TBC1D30: variants seen among roughly 807,000 people sequenced by gnomAD.
The protein encoded by TBC1D30 is TBC1 domain family member 30.
In TBC1D30, 31 loss-of-function variants were observed where a neutral mutation model predicts 63.2. The observed-to-expected ratio is 0.49, with a 90% CI of 0.37 to 0.66. The LOEUF (loss-of-function observed/expected upper bound fraction) is 0.66, where lower values mean the gene tolerates loss of function less well. Ranked by LOEUF, TBC1D30 falls within the 30% of genes least tolerant of loss-of-function variation. The pLI, the probability that TBC1D30 is intolerant of heterozygous loss-of-function variation, is 0.00. For synonymous variants in TBC1D30, 307 were observed against 361.5 expected, an observed-to-expected ratio of 0.85 and a Z score of 1.71; for missense variants, 810 against 953.6, an observed-to-expected ratio of 0.85 and a Z score of 1.98.
intron 2 of TBC1D30, among the ~76,000 whole-genome samples, chr12:64,812,367 GTTA>G (rs1873266947): frequency 6.6e-6 from 1 of 152,122 alleles, no homozygotes; most frequent in African/African-American, 2.4e-5. Flanking sequence ...GGCAGTAGTT[GTTA>G]TTATTGTTAA....
chr12:64,837,241 C>A (rs111527414), intron 6 of TBC1D30, among the ~76,000 whole-genome samples: 4,599 of 152,122 alleles, frequency 0.03, 212 homozygotes, highest in African/African-American at 0.11. Flanking sequence ...GACCAGTTTC[C>A]GGGAAGACAG....
At chr12:64,812,589 A>G (rs1270570311) in intron 2 of TBC1D30, among the ~76,000 whole-genome samples, 2 of 152,234 alleles carry the variant, frequency 1.3e-5, no homozygotes, top group Non-Finnish European at 2.9e-5. Flanking sequence ...TGTATTCAAG[A>G]CCAGACCTTT....
chr12:64,785,907 C>T lies in TBC1D30; in HGVS notation c.505C>T (p.Arg169Ter), dbSNP rs905659854. 193 of 1,289,636 alleles carry T rather than the reference C, an allele frequency of 1.5e-4. No individual in the cohort carries two copies. The highest frequency in any genetic ancestry group is 1.7e-4 in the Non-Finnish European group (173 of 988,826). 79.9% of individuals were successfully genotyped at this position (1,289,636 alleles called of 1,614,324 possible). A position where few individuals can be genotyped will look rare whatever the true frequency, so the allele number is the denominator to read the frequency against. Residue 169 changes from arginine (R) to a stop codon, truncating the protein, a stop_gained, in exon 2 of 13, where the codon CGA (arginine) becomes TGA (stop). Transcript: ENST00000542120. LOFTEE classifies it high-confidence loss of function. ...CGCTAATGAACTGAAGACGATCCTT[C>T]GAGAGCTAAAGTACAGAATTGGCAT...
At chr12:64,814,314 T>C (rs1873396085) in intron 2 of TBC1D30, among the ~76,000 whole-genome samples, 1 of 152,070 alleles carries the variant, frequency 6.6e-6, no homozygotes, top group East Asian at 1.9e-4. Context: ...CCCAAAGTAC[T>C]GAGATTACAG....
intron 8 of TBC1D30, among the ~76,000 whole-genome samples, chr12:64,855,603 A>G (rs1341271807): frequency 6.6e-6 from 1 of 152,112 alleles, no homozygotes; most frequent in Admixed American, 6.5e-5. Context: ...CAATTCTGCT[A>G]TTAAGAGACT....
At position 64,880,433 on chromosome 12, in the gene TBC1D30, A is replaced by C. The variant is rs141111909; in HGVS notation, c.*4645A>C. 3 of 152,306 alleles carry C rather than the reference A, an allele frequency of 2.0e-5. No individual in the cohort carries two copies. The highest frequency in any genetic ancestry group is 4.4e-5 in the Non-Finnish European group (3 of 68,120). The allele number at this position is 152,306 out of a possible 1,614,324, so 9.4% of individuals were successfully genotyped here. A position where few individuals can be genotyped will look rare whatever the true frequency, so the allele number is the denominator to read the frequency against. ...AGAAGTCAAAGATCAACGTGTCTGC[A>C]AATTTGGTATCTGGTGAGGAAGGGC... is the stretch of plus-strand genomic sequence containing the variant. On this transcript the variant is annotated 3_prime_UTR_variant, in exon 12 of 12. Coordinates refer to ENST00000539867, the MANE Select transcript of TBC1D30 (RefSeq NM_015279.2).
intron 2 of TBC1D30, among the ~76,000 whole-genome samples, chr12:64,788,396 A>T (rs1320911002): frequency 6.6e-6 from 1 of 152,098 alleles, no homozygotes; most frequent in Non-Finnish European, 1.5e-5. Context: ...ACTCATTATT[A>T]TTGTTTGTAC....
chr12:64,867,004 G>T (rs1878277188), intron 10 of TBC1D30, 101 bp downstream of exon 10: 1 of 1,322,696 alleles, frequency 7.6e-7, no homozygotes, highest in East Asian at 2.5e-5. Flanking sequence ...TTCTGAACTG[G>T]TTACAACTAT....
intron 11 of TBC1D30, among the ~76,000 whole-genome samples, chr12:64,872,543 G>T (rs1878736605): frequency 1.3e-5 from 2 of 152,100 alleles, no homozygotes; most frequent in Non-Finnish European, 1.5e-5. Flanking sequence ...TTGAAATTTA[G>T]TGTGCATACA....
At chr12:64,769,670 G>A (rs919815469) in intron 1 of TBC1D30, among the ~76,000 whole-genome samples, 1 of 151,582 alleles carries the variant, frequency 6.6e-6, no homozygotes, top group Non-Finnish European at 1.5e-5. Flanking sequence ...ACAGGTGTGA[G>A]CCACCGCACC....
intron 1 of TBC1D30, among the ~76,000 whole-genome samples, chr12:64,783,290 C>T (rs779180477): frequency 1.8e-4 from 28 of 152,090 alleles, no homozygotes; most frequent in Non-Finnish European, 3.1e-4. Context: ...GGTTGATATC[C>T]GGCCGCAGTT....
chr12:64,843,117 C>T (rs1254344292), intron 7 of TBC1D30, among the ~76,000 whole-genome samples: 1 of 152,212 alleles, frequency 6.6e-6, no homozygotes, highest in East Asian at 1.9e-4. Flanking sequence ...AGGTGATCCT[C>T]CTGCTTTAGC....
chr12:64,840,023 A>AAAAAAAAAAAAAAAAAAAAAAAC (rs1875726371), intron 7 of TBC1D30, among the ~76,000 whole-genome samples: 1 of 150,858 alleles, frequency 6.6e-6, no homozygotes, highest in African/African-American at 2.5e-5. Context: ...AAAAAAAAAA[A>AAAAAAAAAAAAAAAAAAAAAAAC]AAAAATCCAC....
At chr12:64,837,753 CTG>C (rs1453860317) in intron 6 of TBC1D30, among the ~76,000 whole-genome samples, 1 of 152,158 alleles carries the variant, frequency 6.6e-6, no homozygotes, top group Non-Finnish European at 1.5e-5. Flanking sequence ...TGCAGTATAA[CTG>C]TGTAGATTTT....
intron 8 of TBC1D30, among the ~76,000 whole-genome samples, chr12:64,854,498 C>CT (rs71278243): frequency 0.14 from 19,065 of 138,708 alleles, 3,167 homozygotes; most frequent in African/African-American, 0.4. Flanking sequence ...CTTTTTCTTT[C>CT]TTTTTTTTTT....
chr12:64,875,810 C>T lies in TBC1D30; in HGVS notation c.*22C>T. Reference sequence around the variant, plus strand: ...ATGATGTCTCCCCGAAACTTTGTATCTGGACTCACCTTTTCACAGTAGTAT... The same window carrying T: ...ATGATGTCTCCCCGAAACTTTGTATTTGGACTCACCTTTTCACAGTAGTAT... On this transcript the variant is annotated 3_prime_UTR_variant, in exon 12 of 12. Transcript: ENST00000539867. The T allele has an allele frequency of 6.6e-7, 1 of 1,509,576 alleles. No homozygotes were observed. The highest frequency in any genetic ancestry group is 8.8e-7 in the Non-Finnish European group (1 of 1,135,336). 93.5% of individuals were successfully genotyped at this position (1,509,576 alleles called of 1,614,324 possible).
intron 7 of TBC1D30, among the ~76,000 whole-genome samples, 163 bp from the exon 8 acceptor site, chr12:64,843,217 G>A (rs1427396280): frequency 6.6e-6 from 1 of 152,144 alleles, no homozygotes; most frequent in Non-Finnish European, 1.5e-5. Context: ...CTGCATTGAG[G>A]CTCCTGGCCT....
At chr12:64,837,809 A>G (rs1875501208) in intron 6 of TBC1D30, among the ~76,000 whole-genome samples, 1 of 152,178 alleles carries the variant, frequency 6.6e-6, no homozygotes, top group Non-Finnish European at 1.5e-5. Flanking sequence ...CCCTAGTCAG[A>G]CACACTTTAG....
At chr12:64,860,432 G>A (rs1400287619) in intron 8 of TBC1D30, among the ~76,000 whole-genome samples, 1 of 152,114 alleles carries the variant, frequency 6.6e-6, no homozygotes, top group Non-Finnish European at 1.5e-5. Context: ...GGGATTACAG[G>A]CATGAGCTAC....
Sources: allele counts gnomAD v4.1 joint callset (sites outside exome capture counted in the v4.1 genomes callset), GRCh38; gene constraint gnomAD v4.1.1; transcripts MANE v1.5; gene names NCBI Gene and HGNC (gene_info 2026-07-23, HGNC 2026-07-21).